The following TYRP1 variants were observed in gnomAD, a reference collection of about 807,000 sequenced individuals.
TYRP1 encodes 5,6-dihydroxyindole-2-carboxylic acid oxidase.
A neutral mutation model predicts 42.8 loss-of-function variants in TYRP1; 49 were observed. That is an observed-to-expected ratio of 1.14 (90% CI 0.91 to 1.45). The LOEUF is 1.45. TYRP1 is among the 40% of genes most tolerant of loss of function. The pLI is 0.00. For missense variants in TYRP1, 848 were observed against 662.0 expected, an observed-to-expected ratio of 1.28 and a Z score of -3.08; for synonymous variants, 279 against 235.4, an observed-to-expected ratio of 1.19 and a Z score of -1.69.
intron 4 of TYRP1, chr9:12,700,751 A>G (rs1818154003): frequency 6.6e-6 from 1 of 152,020 alleles, no homozygotes. Flanking sequence ...AGTAATTAAT[A>G]TTTGTTTCTT....
At chr9:12,707,759 C>T in intron 6 of TYRP1, 1 of 417,492 alleles carries the variant, frequency 2.4e-6, no homozygotes, top group Non-Finnish European at 4.2e-6. Context: ...TACTAAAACT[C>T]CCCTGCTTTT....
At chr9:12,703,359 A>T (rs2733830) in intron 5 of TYRP1, among the ~76,000 whole-genome samples, 74,987 of 151,662 alleles carry the variant, frequency 0.49, 22,165 homozygotes, top group Non-Finnish European at 0.68. Context: ...TATATGCCAT[A>T]TTAACCTATT....
rs952756426 is a variant in TYRP1 at position 12,710,155 on chromosome 9, G to GAAAT, written c.*975_*978dup. On this transcript the variant is annotated 3_prime_UTR_variant, in exon 8 of 8. Coordinates refer to ENST00000388918, the MANE Select transcript of TYRP1 (RefSeq NM_000550.3). Reference sequence around the variant, plus strand: ...TATTTTTTCCCTTCTCTTCTAACATGAAATATATTTTCTCTTTTTGATCTT... The same window carrying GAAAT: ...TATTTTTTCCCTTCTCTTCTAACATGAAATAAATATATTTTCTCTTTTTGATCTT... 1 of 151,240 alleles carries GAAAT rather than the reference G, an allele frequency of 6.6e-6. No homozygotes were observed. The highest frequency in any genetic ancestry group is 2.4e-5 in the African/African-American group (1 of 41,234). 9.4% of individuals were successfully genotyped at this position (151,240 alleles called of 1,614,324 possible).
chr9:12,695,502 T>G lies in TYRP1; in HGVS notation c.386-13T>G. ...GGCAGATGTTTTCATGCTTGAATTT[T>G]GTATCCCTAAAGTCAGGAGAAATCT... On this transcript the variant is annotated splice_polypyrimidine_tract_variant and intron_variant, in intron 2 of 7. Transcript: ENST00000388918. 1.9e-6 allele frequency: 3 copies of G among 1,613,926 alleles called. No homozygotes were observed. Among genetic ancestry groups the G allele is most frequent in the Non-Finnish European group, 2.5e-6 (3 of 1,179,860 alleles).
intron 7 of TYRP1, 127 bp downstream of exon 7, chr9:12,708,270 T>C: frequency 8.5e-7 from 1 of 1,183,030 alleles, no homozygotes; most frequent in Non-Finnish European, 1.2e-6. Context: ...TCATTTGTAC[T>C]TTTATTTGAG....
intron 6 of TYRP1, 38 bp from the exon 7 acceptor site, chr9:12,707,956 TTTA>T: frequency 1.3e-6 from 2 of 1,551,718 alleles, no homozygotes; most frequent in Non-Finnish European, 1.8e-6. Flanking sequence ...GAATATTAAT[TTTA>T]TTATGTTTAT....
rs142112882 is a variant in TYRP1 at position 12,704,584 on chromosome 9, T to A, written c.1140T>A (p.Ala380=). ...CTGTTCGAAGTCTTCACAATTTGGC[T>A]CATCTATTCCTGAATGGAACAGGGG... ...DPAVRSLHNL[A]HLFLNGTGGQ... is the part of the protein sequence containing the mutation. The change falls in exon 6 of 8, where the codon GCT becomes GCA. Residue 380 remains alanine, a synonymous_variant. Transcript: ENST00000388918. The A allele has an allele frequency of 9.9e-6, 16 of 1,613,056 alleles. No individual in the cohort carries two copies. The highest frequency in any genetic ancestry group is 1.4e-5 in the Non-Finnish European group (16 of 1,179,496).
intron 2 of TYRP1, among the ~76,000 whole-genome samples, chr9:12,694,940 C>T (rs1490846166): frequency 1.3e-5 from 2 of 152,076 alleles, no homozygotes; most frequent in Admixed American, 1.3e-4. Flanking sequence ...GTTCTATGTG[C>T]GAGATAGTAG....
chr9:12,708,053 A>G lies in TYRP1; in HGVS notation c.1318A>G (p.Met440Val). The change falls in exon 7 of 8, where the codon ATG becomes GTG. Residue 440 changes from methionine (M) to valine (V), a missense_variant. By Grantham distance (21) the Met-to-Val change is conservative. Coordinates refer to ENST00000388918, the MANE Select transcript of TYRP1 (RefSeq NM_000550.3). The part of the protein sequence containing the change: ...APIGHNRQYN[M>V]VPFWPPVTNT... ...TATTGGACATAATAGACAATACAAC[A>G]TGGTGCCATTCTGGCCCCCAGTCAC... The G allele has an allele frequency of 1.9e-6, 3 of 1,612,774 alleles. No individual in the cohort carries two copies. The highest frequency in any genetic ancestry group is 2.5e-6 in the Non-Finnish European group (3 of 1,179,234).
At position 12,694,312 on chromosome 9, in the gene TYRP1, T is replaced by G. The variant is rs761205176; in HGVS notation, c.316T>G (p.Ser106Ala). The change falls in exon 2 of 8, where the codon TCA becomes GCA. Residue 106 changes from serine to alanine, a missense_variant. Transcript: ENST00000388918. ...NRTCHCNGNF[S>A]GHNCGTCRPG... ...GACATGTCACTGCAACGGCAATTTC[T>G]CAGGACACAACTGTGGGACGTGCCG... 2.9e-5 allele frequency: 46 copies of G among 1,613,908 alleles called. No individual in the cohort carries two copies. The highest frequency in any genetic ancestry group is 3.6e-5 in the Non-Finnish European group (43 of 1,180,020).
At position 12,709,685 on chromosome 9, in the gene TYRP1, G is replaced by C. The variant is rs1224526255; in HGVS notation, c.*503G>C. On this transcript the variant is annotated 3_prime_UTR_variant, in exon 8 of 8. Coordinates refer to ENST00000388918, the MANE Select transcript of TYRP1 (RefSeq NM_000550.3). ...TGTAGTTATAAACCAATGAAATTTT[G>C]ATTAACCTTTTCAAATTAATGTTCC... 1 of 161,226 alleles carries C rather than the reference G, an allele frequency of 6.2e-6. No homozygotes were observed. Among genetic ancestry groups the C allele is most frequent in the African/African-American group, 2.4e-5 (1 of 41,454 alleles). 10.0% of individuals were successfully genotyped at this position (161,226 alleles called of 1,614,324 possible).
chr9:12,708,824 G>T (rs1037638026), intron 7 of TYRP1, among the ~76,000 whole-genome samples, 153 bp from the exon 8 acceptor site: 2 of 152,014 alleles, frequency 1.3e-5, no homozygotes, highest in Non-Finnish European at 1.5e-5. Context: ...CTCATTAAAA[G>T]AAATCAGGAA....
At chr9:12,703,011 A>C (rs1338474823) in intron 5 of TYRP1, among the ~76,000 whole-genome samples, 2 of 152,054 alleles carry the variant, frequency 1.3e-5, no homozygotes, top group African/African-American at 4.8e-5. Flanking sequence ...TGAGGTATAA[A>C]CAGGTAAAAT....
intron 5 of TYRP1, among the ~76,000 whole-genome samples, chr9:12,702,950 C>T (rs549931134): frequency 6.6e-5 from 10 of 152,070 alleles, no homozygotes; most frequent in Non-Finnish European, 8.8e-5. Flanking sequence ...TCTACTGATG[C>T]TTAACTTGGT....
Position 12,709,197 on chromosome 9 carries a change from T to G in TYRP1, c.*15T>G. Reference sequence around the variant, plus strand: ...CTGTGGTCTAACAAATGCCCTACTCTCTTATGCATTAGTATCACAAAACCA... The same window carrying G: ...CTGTGGTCTAACAAATGCCCTACTCGCTTATGCATTAGTATCACAAAACCA... On this transcript the variant is annotated 3_prime_UTR_variant, in exon 8 of 8. Transcript: ENST00000388918. 1 of 1,609,848 alleles carries G rather than the reference T, an allele frequency of 6.2e-7. No individual in the cohort carries two copies. Among genetic ancestry groups the G allele is most frequent in the African/African-American group, 1.3e-5 (1 of 74,872 alleles).
chr9:12,703,273 C>T (rs1163189845), intron 5 of TYRP1, among the ~76,000 whole-genome samples: 1 of 151,972 alleles, frequency 6.6e-6, no homozygotes, highest in Non-Finnish European at 1.5e-5. Flanking sequence ...ATACATTTCT[C>T]TGCCCTATGA....
rs537622892 is a variant in TYRP1, at chr9:12,705,103, A to G, written c.1261+398A>G. On this transcript the variant is annotated intron_variant, in intron 6 of 7. Coordinates refer to ENST00000388918, the MANE Select transcript of TYRP1 (RefSeq NM_000550.3). ...CCAAAAGACTAAAAATTTTATACCC[A>G]TAATCCACAGTTCTTATTTTTATTA... Among the ~76,000 whole-genome samples the G allele has an allele frequency of 3.3e-5, 5 of 152,190 alleles. No individual in the cohort carries two copies. In the East Asian group the frequency reaches 9.7e-4, roughly 30 times the overall value.
At chr9:12,704,226 A>G (rs921464430) in intron 5 of TYRP1, among the ~76,000 whole-genome samples, 2 of 151,936 alleles carry the variant, frequency 1.3e-5, no homozygotes, top group African/African-American at 4.8e-5. Flanking sequence ...ATGTAGAACA[A>G]TGTCTGCCTT....
intron 3 of TYRP1, 107 bp downstream of exon 3, chr9:12,695,944 A>G (rs1426841510): frequency 8.0e-7 from 1 of 1,245,740 alleles, no homozygotes; most frequent in Middle Eastern, 2.1e-4. Context: ...TTTGATGAAA[A>G]AGCAATTTTA....
Sources: allele counts gnomAD v4.1 joint callset (sites outside exome capture counted in the v4.1 genomes callset), GRCh38; gene constraint gnomAD v4.1.1; transcripts MANE v1.5; gene names NCBI Gene and HGNC (gene_info 2026-07-23, HGNC 2026-07-21).